TRPC5: variants seen among roughly 807,000 people sequenced by gnomAD.
The protein encoded by TRPC5 is short transient receptor potential channel 5.
Under a neutral mutation model 56.5 loss-of-function variants are expected in TRPC5, and 9 were observed. The ratio of observed to expected loss-of-function variants is 0.16; its 90% CI spans 0.10 to 0.28. The LOEUF (loss-of-function observed/expected upper bound fraction) is 0.28. Ranked by LOEUF, TRPC5 falls within the 10% of genes least tolerant of loss-of-function variation. The probability of loss-of-function intolerance (pLI) is 1.00; values close to 1 mark genes in which losing one functional copy is unlikely to be tolerated. For synonymous variants in TRPC5, 282 were observed against 278.5 expected, an observed-to-expected ratio of 1.01 and a Z score of -0.13; for missense variants, 469 against 748.9, an observed-to-expected ratio of 0.63 and a Z score of 4.36.
intron 1 of TRPC5, among the ~76,000 whole-genome samples, chrX:112,054,340 G>A (rs1023921400): frequency 4.5e-5 from 5 of 110,894 alleles, no homozygotes; most frequent in African/African-American, 1.6e-4. Context: ...AGGAGGGAAT[G>A]TGTTGTGGTT....
At chrX:111,830,847 C>T (rs191389490) in intron 7 of TRPC5, among the ~76,000 whole-genome samples, 5 of 112,344 alleles carry the variant, frequency 4.5e-5, no homozygotes, top group East Asian at 2.8e-4. Flanking sequence ...CTTCTGCTAC[C>T]GGTTGGAGAA....
chrX:111,940,550 G>T lies in TRPC5; in HGVS notation c.378+11493C>A, dbSNP rs1288624379. 2.7e-5 allele frequency among the ~76,000 whole-genome samples: 3 copies of T among 109,549 alleles called. No homozygotes were observed. In the Admixed American group the frequency reaches 2.9e-4, roughly 11 times the overall value. On this transcript the variant is annotated intron_variant, in intron 2 of 10. Coordinates refer to ENST00000262839, the MANE Select transcript of TRPC5 (RefSeq NM_012471.3). Reference sequence around the variant, plus strand: ...CTAAAACTACAAAAAAATTAGCCGGGTGTGGTGGCAGGCCCCTGTAGTCTC... The same window carrying T: ...CTAAAACTACAAAAAAATTAGCCGGTTGTGGTGGCAGGCCCCTGTAGTCTC...
At chrX:111,919,816 C>CA (rs201750869) in intron 2 of TRPC5, among the ~76,000 whole-genome samples, 1,250 of 111,887 alleles carry the variant, frequency 0.011, 15 homozygotes, top group African/African-American at 0.038. Context: ...AAAAATCACC[C>CA]AAAAAAATCT....
intron 3 of TRPC5, among the ~76,000 whole-genome samples, chrX:111,879,395 A>T (rs1924099373): frequency 8.9e-6 from 1 of 112,015 alleles, no homozygotes; most frequent in African/African-American, 3.2e-5. Flanking sequence ...GGTCACAGGG[A>T]ATGAATGGAT....
chrX:111,776,803 G>A lies in TRPC5; in HGVS notation c.2432C>T (p.Pro811Leu). 8.3e-7 allele frequency: 1 copy of A among 1,209,605 alleles called. No individual in the cohort carries two copies. Residue 811 changes from proline (P) to leucine (L), a missense_variant, in exon 11 of 11, where the codon CCA (proline) becomes CTA (leucine). This residue lies in a region of TRPC5 where 194 missense variants were observed against 221.8 expected (regional missense o/e 0.87). Coordinates refer to ENST00000262839, the MANE Select transcript of TRPC5 (RefSeq NM_012471.3). Reference protein sequence around the residue: ...LGCKKKTCHGPPLIRTMPRSS... With the variant: ...LGCKKKTCHGLPLIRTMPRSS... ...CCTTGGCATGGTTCTGATGAGAGGTGGCCCATGGCAAGTCTTTTTCTTGCA... is the reference window on the plus strand; with the variant it reads ...CCTTGGCATGGTTCTGATGAGAGGTAGCCCATGGCAAGTCTTTTTCTTGCA...
intron 1 of TRPC5, among the ~76,000 whole-genome samples, chrX:111,973,946 C>T (rs772602599): frequency 9.0e-6 from 1 of 110,956 alleles, no homozygotes; most frequent in East Asian, 2.8e-4. Context: ...TGCTATAAAT[C>T]AGTGCTAGAT....
chrX:111,905,847 G>C (rs1439835250), intron 3 of TRPC5, among the ~76,000 whole-genome samples: 3 of 104,605 alleles, frequency 2.9e-5, no homozygotes, highest in African/African-American at 1.1e-4. Context: ...CCTGGGAGGC[G>C]GAGCTTGCAG....
chrX:112,050,515 G>T (rs992732861), intron 1 of TRPC5, among the ~76,000 whole-genome samples: 5 of 112,535 alleles, frequency 4.4e-5, no homozygotes, highest in Non-Finnish European at 9.4e-5. Flanking sequence ...GCATGGTCTT[G>T]TGCACATCTT....
chrX:112,074,225 T>C (rs1297526233), intron 1 of TRPC5, among the ~76,000 whole-genome samples: 1 of 109,645 alleles, frequency 9.1e-6, no homozygotes, highest in African/African-American at 3.3e-5. Context: ...TTTCCTTTTG[T>C]TTTTTTTGAA....
At chrX:111,947,917 A>T (rs1306545713) in intron 2 of TRPC5, among the ~76,000 whole-genome samples, 3 of 112,075 alleles carry the variant, frequency 2.7e-5, no homozygotes, top group Admixed American at 9.5e-5. Context: ...AACTTTTATT[A>T]TCACATAGTG....
At chrX:111,940,698 A>C (rs1926752634) in intron 2 of TRPC5, among the ~76,000 whole-genome samples, 1 of 109,830 alleles carries the variant, frequency 9.1e-6, no homozygotes, top group African/African-American at 3.3e-5. Flanking sequence ...CTAAAAAAAA[A>C]AAAAAAAAAA....
chrX:111,989,417 C>A (rs1000072317), intron 1 of TRPC5, among the ~76,000 whole-genome samples: 2 of 111,543 alleles, frequency 1.8e-5, no homozygotes, highest in Non-Finnish European at 3.8e-5. Flanking sequence ...ATCTTTAGCA[C>A]ATAAGACCAT....
intron 3 of TRPC5, among the ~76,000 whole-genome samples, chrX:111,879,725 G>C (rs1174208622): frequency 2.7e-5 from 3 of 112,618 alleles, no homozygotes; most frequent in African/African-American, 9.7e-5. Flanking sequence ...AGATAGGCAT[G>C]ATTAGTATCT....
At chrX:112,020,595 T>C (rs1293439531) in intron 1 of TRPC5, among the ~76,000 whole-genome samples, 1 of 111,771 alleles carries the variant, frequency 8.9e-6, no homozygotes, top group Non-Finnish European at 1.9e-5. Flanking sequence ...ACATTATCAA[T>C]GTGATGAGAT....
intron 1 of TRPC5, among the ~76,000 whole-genome samples, chrX:111,996,716 G>C (rs750453680): frequency 8.9e-6 from 1 of 112,052 alleles, no homozygotes; most frequent in South Asian, 3.7e-4. Context: ...CTGTTGAATT[G>C]ACCCTTTTAC....
chrX:111,791,019 C>CAAAAA lies in TRPC5; in HGVS notation c.1897-8886_1897-8882dup, dbSNP rs753897017. Among the ~76,000 whole-genome samples, 19 of 9,299 alleles carry CAAAAA rather than the reference C, an allele frequency of 2.0e-3. 6 individuals are homozygous for CAAAAA. The highest frequency in any genetic ancestry group is 5.8e-3 in the East Asian group (1 of 171). The allele number at this position is 9,299 out of a possible 115,157, so 8.1% of individuals were successfully genotyped here. A position where few individuals can be genotyped will look rare whatever the true frequency, so the allele number is the denominator to read the frequency against. ...TGGGCCACAGAGCAAGACTCCATCT[C>CAAAAA]AAAAAAAAAAAAAAAAAAAAAAAAA... On this transcript the variant is annotated intron_variant, in intron 7 of 10. Transcript: ENST00000262839.
At chrX:111,978,146 C>T (rs1160535750) in intron 1 of TRPC5, among the ~76,000 whole-genome samples, 1 of 111,760 alleles carries the variant, frequency 8.9e-6, no homozygotes, top group African/African-American at 3.2e-5. Context: ...AATAGCATCA[C>T]AAAGAGTTAA....
At chrX:111,906,312 G>A (rs1925620743) in intron 3 of TRPC5, among the ~76,000 whole-genome samples, 1 of 106,612 alleles carries the variant, frequency 9.4e-6, no homozygotes, top group Admixed American at 1.0e-4. Flanking sequence ...CCAAGATCAT[G>A]CCACTGCACT....
chrX:111,827,952 G>A (rs1007513255), intron 7 of TRPC5, among the ~76,000 whole-genome samples: 1 of 111,310 alleles, frequency 9.0e-6, no homozygotes, highest in African/African-American at 3.3e-5. Context: ...TCCTCCCTTG[G>A]TTACTCCACT....
Sources: gnomAD v4.1 joint callset for allele counts (sites outside exome capture counted in the v4.1 genomes callset) on GRCh38, gnomAD v4.1.1 for gene constraint, gnomAD v4.1.1 regional missense constraint, MANE v1.5 for transcripts, NCBI Gene and HGNC (gene_info 2026-07-23, HGNC 2026-07-21) for gene names.